The following SND1 variants were observed in gnomAD, a reference collection of about 807,000 sequenced individuals.
The protein encoded by SND1 is staphylococcal nuclease domain-containing protein 1.
In SND1, 38 loss-of-function variants were observed where a neutral mutation model predicts 121.7. That is an observed-to-expected ratio of 0.31 (90% CI 0.24 to 0.41). The LOEUF (loss-of-function observed/expected upper bound fraction) is 0.41. Among genes scored for constraint, SND1 ranks in the 10% least tolerant of loss-of-function variants. The pLI, the probability that SND1 is intolerant of heterozygous loss-of-function variation, is 1.00. For synonymous variants in SND1, 401 were observed against 447.4 expected, an observed-to-expected ratio of 0.90 and a Z score of 1.31; for missense variants, 868 against 1,184.6, an observed-to-expected ratio of 0.73 and a Z score of 3.92.
intron 16 of SND1, among the ~76,000 whole-genome samples, chr7:128,044,050 G>A (rs1792904387): frequency 6.6e-6 from 1 of 152,222 alleles, no homozygotes; most frequent in Non-Finnish European, 1.5e-5. Flanking sequence ...GAAGGTAGCA[G>A]AGTGGGAATA....
chr7:127,812,799 A>T (rs996303616), intron 11 of SND1, among the ~76,000 whole-genome samples: 4 of 152,160 alleles, frequency 2.6e-5, no homozygotes, highest in Non-Finnish European at 5.9e-5. Flanking sequence ...CCTTAAAAAC[A>T]CTTGTGTTCT....
chr7:127,695,134 G>C (rs907117388), intron 3 of SND1, among the ~76,000 whole-genome samples, 186 bp downstream of exon 3: 1 of 152,188 alleles, frequency 6.6e-6, no homozygotes, highest in African/African-American at 2.4e-5. Flanking sequence ...CATGCCCCCG[G>C]TGTTCCTGTT....
intron 16 of SND1, among the ~76,000 whole-genome samples, chr7:128,016,005 C>T (rs1803216304): frequency 6.6e-6 from 1 of 152,140 alleles, no homozygotes; most frequent in South Asian, 2.1e-4. Context: ...TGCTGGAATG[C>T]CATTGGTACA....
rs144276585 is a variant in SND1 at position 128,050,611 on chromosome 7, G to A, written c.1780-23891G>A. ...GCCATTGGAGCAATACTTGAGAAAAGCTCTCTTTAGCCTCAAGTTTCTGGC... is the reference window on the plus strand; with the variant it reads ...GCCATTGGAGCAATACTTGAGAAAAACTCTCTTTAGCCTCAAGTTTCTGGC... On this transcript the variant is annotated intron_variant, in intron 16 of 23. Coordinates refer to ENST00000354725, the MANE Select transcript of SND1 (RefSeq NM_014390.4). 6.9e-4 allele frequency among the ~76,000 whole-genome samples: 105 copies of A among 152,188 alleles called. No individual in the cohort carries two copies. The East Asian group carries it at 0.015, about 22-fold the overall frequency.
At chr7:127,860,745 C>T (rs980283427) in intron 12 of SND1, among the ~76,000 whole-genome samples, 1 of 152,176 alleles carries the variant, frequency 6.6e-6, no homozygotes, top group Non-Finnish European at 1.5e-5. Context: ...TGTTGCCTCT[C>T]TTATTGCTAG....
At chr7:127,858,252 G>T (rs1799318682) in intron 12 of SND1, 1 of 773,004 alleles carries the variant, frequency 1.3e-6, no homozygotes, top group Non-Finnish European at 2.3e-6. Context: ...GCCACCATCT[G>T]GTCGGCCAAT....
intron 16 of SND1, among the ~76,000 whole-genome samples, chr7:128,032,292 C>T (rs985340034): frequency 7.3e-5 from 11 of 151,194 alleles, no homozygotes; most frequent in East Asian, 3.9e-4. Context: ...CTTCCTTCCT[C>T]CTCTCTTCCT....
chr7:127,987,506 A>G (rs1048331012), intron 15 of SND1, among the ~76,000 whole-genome samples: 1 of 152,092 alleles, frequency 6.6e-6, no homozygotes, highest in Admixed American at 6.5e-5. Flanking sequence ...GAATGTTACC[A>G]TTTGTGTGGT....
intron 11 of SND1, among the ~76,000 whole-genome samples, chr7:127,807,866 C>T (rs1409127145): frequency 1.3e-5 from 2 of 152,132 alleles, no homozygotes; most frequent in Admixed American, 1.3e-4. Flanking sequence ...ATTCAGTTGG[C>T]TCTCTTGTTC....
chr7:128,050,381 C>G (rs189387265), intron 16 of SND1, among the ~76,000 whole-genome samples: 2 of 152,360 alleles, frequency 1.3e-5, no homozygotes, highest in East Asian at 1.9e-4. Context: ...CTCCTTACCT[C>G]TTTTCCCCAG....
At chr7:127,909,141 G>A (rs996732000) in intron 14 of SND1, among the ~76,000 whole-genome samples, 1 of 152,184 alleles carries the variant, frequency 6.6e-6, no homozygotes, top group African/African-American at 2.4e-5. Context: ...GAGTTACGAT[G>A]TTTGTTTGAT....
intron 2 of SND1, among the ~76,000 whole-genome samples, chr7:127,690,963 C>A (rs149182220): frequency 6.6e-6 from 1 of 152,300 alleles, no homozygotes; most frequent in African/African-American, 2.4e-5. Flanking sequence ...AAAGCAGCCC[C>A]ACTGTATGCC....
intron 15 of SND1, among the ~76,000 whole-genome samples, chr7:127,935,921 G>A (rs1801051846): frequency 6.6e-6 from 1 of 152,196 alleles, no homozygotes; most frequent in African/African-American, 2.4e-5. Context: ...ACTTCAAGGT[G>A]GGGTGGACAC....
At chr7:128,004,880 G>A (rs1247489544) in intron 16 of SND1, among the ~76,000 whole-genome samples, 1 of 152,232 alleles carries the variant, frequency 6.6e-6, no homozygotes, top group East Asian at 1.9e-4. Context: ...CCAGGCCTCT[G>A]ATATTCATGC....
rs150304219 is a variant in SND1, at chr7:127,998,450, C to T, written c.1779+7394C>T. 3.5e-3 allele frequency: 551 copies of T among 157,052 alleles called. 2 individuals carry two copies. Among genetic ancestry groups the T allele is most frequent in the Non-Finnish European group, 5.4e-3 (378 of 70,596 alleles). The allele number at this position is 157,052 out of a possible 1,614,324, so 9.7% of individuals were successfully genotyped here. A position where few individuals can be genotyped will look rare whatever the true frequency, so the allele number is the denominator to read the frequency against. ...GTGTTCAAATAGAAACCATTCGTGTCCCTTCACTCTCTGAACATAGTCTGC... is the reference window on the plus strand; with the variant it reads ...GTGTTCAAATAGAAACCATTCGTGTTCCTTCACTCTCTGAACATAGTCTGC... On this transcript the variant is annotated intron_variant, in intron 16 of 23. Transcript: ENST00000354725.
chr7:127,832,985 C>T (rs760995227), intron 11 of SND1, among the ~76,000 whole-genome samples: 16 of 152,156 alleles, frequency 1.1e-4, no homozygotes, highest in Non-Finnish European at 1.9e-4. Context: ...AATCATCCTC[C>T]CCACCATCCA....
At chr7:127,868,989 G>A (rs1051812917) in intron 12 of SND1, among the ~76,000 whole-genome samples, 13 of 152,050 alleles carry the variant, frequency 8.5e-5, no homozygotes, top group African/African-American at 2.7e-4. Flanking sequence ...CGGCACTTTC[G>A]TTCCAATGGG....
intron 11 of SND1, among the ~76,000 whole-genome samples, chr7:127,844,041 C>T (rs959577604): frequency 4.6e-5 from 7 of 152,092 alleles, no homozygotes; most frequent in African/African-American, 1.7e-4. Flanking sequence ...CTTTAGTAAG[C>T]TGTTTGGATC....
At chr7:127,899,319 G>C (rs1468653003) in intron 13 of SND1, among the ~76,000 whole-genome samples, 1 of 151,730 alleles carries the variant, frequency 6.6e-6, no homozygotes, top group African/African-American at 2.4e-5. Flanking sequence ...CCATTTCAAA[G>C]GAGTTCACCT....
Sources: gnomAD v4.1 joint callset for allele counts (sites outside exome capture counted in the v4.1 genomes callset) on GRCh38, gnomAD v4.1.1 for gene constraint, MANE v1.5 for transcripts, NCBI Gene and HGNC (gene_info 2026-07-23, HGNC 2026-07-21) for gene names.